Variants in COL25A1 observed in about 807,000 individuals in gnomAD.
The protein encoded by COL25A1 is collagen alpha-1(XXV) chain.
A neutral mutation model predicts 128.4 loss-of-function variants in COL25A1; 103 were observed. The ratio of observed to expected loss-of-function variants is 0.80; its 90% CI spans 0.68 to 0.94. The LOEUF is 0.94. Ranked by LOEUF, COL25A1 falls within the 40% of genes least tolerant of loss-of-function variation. COL25A1 has a pLI of 0.00. For synonymous variants in COL25A1, 279 were observed against 277.2 expected (o/e 1.01, Z -0.06); for missense variants, 745 against 840.0 (o/e 0.89, Z 1.40).
intron 30 of COL25A1, among the ~76,000 whole-genome samples, chr4:108,843,006 G>A (rs753309346): frequency 7.2e-5 from 11 of 151,754 alleles, no homozygotes; most frequent in Non-Finnish European, 8.8e-5. Flanking sequence ...TTAACTGGGC[G>A]TGGTTGGTGG....
chr4:109,262,151 T>C (rs1781497633), intron 3 of COL25A1, among the ~76,000 whole-genome samples: 1 of 152,162 alleles, frequency 6.6e-6, no homozygotes, highest in South Asian at 2.1e-4. Flanking sequence ...TTTGAGAGCA[T>C]TTCTGCATCC....
chr4:109,022,732 C>G (rs1393397240), intron 5 of COL25A1, among the ~76,000 whole-genome samples: 1 of 152,114 alleles, frequency 6.6e-6, no homozygotes, highest in South Asian at 2.1e-4. Context: ...TTTACCAGCA[C>G]AAATATTTAA....
intron 3 of COL25A1, among the ~76,000 whole-genome samples, chr4:109,245,844 C>T (rs924077366): frequency 2.0e-5 from 3 of 151,948 alleles, no homozygotes; most frequent in African/African-American, 7.3e-5. Flanking sequence ...TGATTAAAGA[C>T]AGGCAAGTTC....
At chr4:109,275,558 A>C (rs1722748882) in intron 3 of COL25A1, among the ~76,000 whole-genome samples, 1 of 152,206 alleles carries the variant, frequency 6.6e-6, no homozygotes, top group Non-Finnish European at 1.5e-5. Context: ...GAATATGCAA[A>C]GGCGCCTGAG....
Position 109,055,567 on chromosome 4 carries a change from C to T in COL25A1, c.368-5388G>A, listed in dbSNP as rs779522577. Among the ~76,000 whole-genome samples the T allele has an allele frequency of 1.3e-4, 20 of 152,170 alleles. 1 individual carries two copies. The highest frequency in any genetic ancestry group is 2.2e-4 in the African/African-American group (9 of 41,444). Reference sequence around the variant, plus strand: ...CAGACACAACCAGCCACAACCAGTGCGAACTTTCCAAAGTACTTTATTTTA... The same window carrying T: ...CAGACACAACCAGCCACAACCAGTGTGAACTTTCCAAAGTACTTTATTTTA... On this transcript the variant is annotated intron_variant, in intron 3 of 37. Transcript: ENST00000399132.
intron 3 of COL25A1, among the ~76,000 whole-genome samples, chr4:109,069,149 CAGA>C (rs1388772225): frequency 1.3e-5 from 2 of 149,120 alleles, no homozygotes; most frequent in African/African-American, 5.0e-5. Flanking sequence ...TTTGGCTGAG[CAGA>C]AAACTCTTGC....
At chr4:109,247,817 G>C (rs1780375004) in intron 3 of COL25A1, among the ~76,000 whole-genome samples, 2 of 152,088 alleles carry the variant, frequency 1.3e-5, no homozygotes, top group Non-Finnish European at 2.9e-5. Flanking sequence ...ATGACACCAA[G>C]AGGAAGAATA....
At chr4:109,129,908 G>A (rs921282549) in intron 3 of COL25A1, among the ~76,000 whole-genome samples, 4 of 151,778 alleles carry the variant, frequency 2.6e-5, no homozygotes, top group Admixed American at 6.6e-5. Flanking sequence ...GCTAGATGAC[G>A]AGTTAGTGGG....
intron 3 of COL25A1, among the ~76,000 whole-genome samples, chr4:109,295,588 T>C (rs1724898234): frequency 6.6e-6 from 1 of 152,088 alleles, no homozygotes; most frequent in Non-Finnish European, 1.5e-5. Flanking sequence ...GATAAAAACA[T>C]ATAGCATAAG....
chr4:108,860,459 C>T (rs182904082), intron 23 of COL25A1, among the ~76,000 whole-genome samples: 197 of 152,106 alleles, frequency 1.3e-3, no homozygotes, highest in African/African-American at 3.8e-3. Flanking sequence ...GGAATGAATG[C>T]CACAAAAATT....
intron 3 of COL25A1, among the ~76,000 whole-genome samples, chr4:109,056,836 GT>G (rs1374710239): frequency 2.0e-5 from 3 of 152,172 alleles, no homozygotes; most frequent in Non-Finnish European, 4.4e-5. Flanking sequence ...CATTAGGATA[GT>G]TTTTTGTCTG....
chr4:109,141,834 T>C (rs959063203), intron 3 of COL25A1, among the ~76,000 whole-genome samples: 4 of 152,252 alleles, frequency 2.6e-5, no homozygotes, highest in African/African-American at 9.6e-5. Flanking sequence ...TCTTCTTTAT[T>C]AGTCTGGCTA....
At chr4:108,859,015 A>C (rs886605788) in intron 24 of COL25A1, among the ~76,000 whole-genome samples, 1 of 152,206 alleles carries the variant, frequency 6.6e-6, no homozygotes, top group Non-Finnish European at 1.5e-5. Flanking sequence ...ACATGAAAAG[A>C]ATGAATAGGA....
intron 3 of COL25A1, among the ~76,000 whole-genome samples, chr4:109,252,352 T>C (rs1780716763): frequency 6.6e-6 from 1 of 152,176 alleles, no homozygotes; most frequent in African/African-American, 2.4e-5. Context: ...AGCCAGATCA[T>C]CCTTTATGAG....
intron 18 of COL25A1, 32 bp downstream of exon 18, chr4:108,889,189 C>G (rs761943369): frequency 1.3e-6 from 2 of 1,587,496 alleles, no homozygotes; most frequent in Admixed American, 3.3e-5. Flanking sequence ...GAATATGAGA[C>G]AGTAGGAACA....
At position 108,811,347 on chromosome 4, in the gene COL25A1, T is replaced by A. The variant is rs532523729; in HGVS notation, c.*2580A>T. 1 of 152,108 alleles carries A rather than the reference T, an allele frequency of 6.6e-6. No homozygotes were observed. The highest frequency in any genetic ancestry group is 2.4e-5 in the African/African-American group (1 of 41,462). 9.4% of individuals were successfully genotyped at this position (152,108 alleles called of 1,614,324 possible). On this transcript the variant is annotated 3_prime_UTR_variant, in exon 38 of 38. Coordinates refer to ENST00000399132, the MANE Select transcript of COL25A1 (RefSeq NM_198721.4). Reference sequence around the variant, plus strand: ...CTCATTTAATCATGAAATAAGTTGATGTTGTCAAATCAGTTATAGAGCAAA... The same window carrying A: ...CTCATTTAATCATGAAATAAGTTGAAGTTGTCAAATCAGTTATAGAGCAAA...
intron 3 of COL25A1, among the ~76,000 whole-genome samples, chr4:109,268,970 T>A (rs1277433806): frequency 6.6e-6 from 1 of 151,960 alleles, no homozygotes; most frequent in Non-Finnish European, 1.5e-5. Flanking sequence ...TTAGGGTACA[T>A]GTGCACATTG....
chr4:109,152,713 C>G (rs1771620497), intron 3 of COL25A1, among the ~76,000 whole-genome samples: 1 of 152,144 alleles, frequency 6.6e-6, no homozygotes, highest in African/African-American at 2.4e-5. Context: ...CTGACACATA[C>G]TACAACACAG....
intron 21 of COL25A1, among the ~76,000 whole-genome samples, chr4:108,863,002 T>G (rs1295880398): frequency 6.6e-6 from 1 of 152,238 alleles, no homozygotes; most frequent in East Asian, 1.9e-4. Context: ...TAAGTTACCA[T>G]AGAAACTAAC....
Sources: allele counts gnomAD v4.1 joint callset (sites outside exome capture counted in the v4.1 genomes callset), GRCh38; gene constraint gnomAD v4.1.1; transcripts MANE v1.5; gene names NCBI Gene and HGNC (gene_info 2026-07-23, HGNC 2026-07-21).